The following SORCS1 variants were observed in gnomAD, a reference collection of about 807,000 sequenced individuals.
The protein encoded by SORCS1 is sortilin related VPS10 domain containing receptor 1.
SORCS1 carries 60 observed loss-of-function variants against 146.1 expected under a neutral mutation model. The observed-to-expected ratio is 0.41, with a 90% CI of 0.33 to 0.51. SORCS1 has a LOEUF of 0.51. Ranked by LOEUF, SORCS1 falls within the 20% of genes least tolerant of loss-of-function variation. SORCS1 has a pLI of 0.21. For synonymous variants in SORCS1, 637 were observed against 584.0 expected, an observed-to-expected ratio of 1.09 and a Z score of -1.31; for missense variants, 1,352 against 1,487.6, an observed-to-expected ratio of 0.91 and a Z score of 1.50.
chr10:106,929,101 AC>A (rs1953253404), intron 2 of SORCS1, among the ~76,000 whole-genome samples: 1 of 152,146 alleles, frequency 6.6e-6, no homozygotes, highest in African/African-American at 2.4e-5. Context: ...CTTCTGTGTC[AC>A]TTTATCTCCA....
At chr10:106,675,191 C>CA in intron 13 of SORCS1, 35 bp from the exon 14 acceptor site, 1 of 1,459,214 alleles carries the variant, frequency 6.9e-7, no homozygotes, top group Admixed American at 1.8e-5. Context: ...ATCAGATCTC[C>CA]AAAGGAAAAA....
chr10:106,777,995 A>T (rs1255719945), intron 3 of SORCS1, among the ~76,000 whole-genome samples: 5 of 152,154 alleles, frequency 3.3e-5, no homozygotes, highest in Non-Finnish European at 5.9e-5. Context: ...CAAGAAAGAG[A>T]GAGAGAGGGG....
intron 2 of SORCS1, among the ~76,000 whole-genome samples, chr10:106,913,395 A>G (rs1952259880): frequency 6.6e-6 from 1 of 152,228 alleles, no homozygotes; most frequent in African/African-American, 2.4e-5. Context: ...CTTCATTTAA[A>G]TATCTTGTAA....
intron 2 of SORCS1, among the ~76,000 whole-genome samples, chr10:106,842,783 T>A (rs767354629): frequency 6.6e-6 from 1 of 151,468 alleles, no homozygotes; most frequent in Non-Finnish European, 1.5e-5. Context: ...CCGGCTAATT[T>A]TGTATTTTTA....
chr10:107,040,022 T>C (rs1755259529), intron 1 of SORCS1, among the ~76,000 whole-genome samples: 1 of 152,144 alleles, frequency 6.6e-6, no homozygotes, highest in Non-Finnish European at 1.5e-5. Context: ...ATCACAACAC[T>C]GCAGTCCAGC....
intron 17 of SORCS1, among the ~76,000 whole-genome samples, chr10:106,663,957 G>A (rs1850932770): frequency 2.0e-5 from 3 of 152,186 alleles, no homozygotes; most frequent in Admixed American, 2.0e-4. Context: ...CATACCCGCT[G>A]ATGGCTGGTA....
chr10:106,722,295 G>A (rs894332540), intron 6 of SORCS1, among the ~76,000 whole-genome samples: 1 of 152,064 alleles, frequency 6.6e-6, no homozygotes, highest in African/African-American at 2.4e-5. Flanking sequence ...TGAGAACTGA[G>A]ATCTCTATTA....
intron 2 of SORCS1, among the ~76,000 whole-genome samples, chr10:106,955,280 G>A (rs766489180): frequency 2.6e-5 from 4 of 152,310 alleles, no homozygotes; most frequent in South Asian, 2.1e-4. Context: ...CATTCCCCTC[G>A]TCCAGACACC....
intron 1 of SORCS1, among the ~76,000 whole-genome samples, chr10:106,991,332 A>G (rs1392883023): frequency 1.3e-5 from 2 of 152,198 alleles, no homozygotes; most frequent in African/African-American, 2.4e-5. Flanking sequence ...GACAAGCTGG[A>G]TAGGAAGATG....
At chr10:106,844,660 C>T (rs1316510205) in intron 2 of SORCS1, among the ~76,000 whole-genome samples, 4 of 148,888 alleles carry the variant, frequency 2.7e-5, no homozygotes, top group Non-Finnish European at 5.9e-5. Flanking sequence ...ATACATGTGC[C>T]ATGCTGGTGC....
intron 1 of SORCS1, among the ~76,000 whole-genome samples, chr10:107,073,656 A>G (rs932110292): frequency 2.0e-5 from 3 of 152,170 alleles, no homozygotes; most frequent in African/African-American, 7.2e-5. Context: ...AATTTAAGCT[A>G]TTTTATCCAA....
intron 10 of SORCS1, among the ~76,000 whole-genome samples, chr10:106,682,493 T>C (rs1276004313): frequency 2.0e-5 from 3 of 152,248 alleles, no homozygotes; most frequent in African/African-American, 7.2e-5. Context: ...CTTCACTTTT[T>C]TAACTTAAGC....
Position 106,850,120 on chromosome 10 carries a change from C to T in SORCS1, c.627-20447G>A, listed in dbSNP as rs374466018. On this transcript the variant is annotated intron_variant, in intron 2 of 25. Coordinates refer to ENST00000263054, the MANE Select transcript of SORCS1 (RefSeq NM_052918.5). ...GAGCTGTGGTGGGCTCCACCCAGTTCGAGCTTCCCGGCTGCTTTGTTTACC... is the reference window on the plus strand; with the variant it reads ...GAGCTGTGGTGGGCTCCACCCAGTTTGAGCTTCCCGGCTGCTTTGTTTACC... 4.9e-3 allele frequency among the ~76,000 whole-genome samples: 749 copies of T among 151,832 alleles called. 39 individuals are homozygous for T. The East Asian group carries it at 0.11, about 22-fold the overall frequency.
At position 106,944,874 on chromosome 10, in the gene SORCS1, C is replaced by CTTTTTTTTTT. The variant is rs765355110; in HGVS notation, c.626+11629_626+11638dup. The stretch of plus-strand genomic sequence containing the variant: ...GTAGAAAGAAGCAAGAAAGAGCCTT[C>CTTTTTTTTTT]TTTTTTTTTTTTTTTTTTTTTTTTT... On this transcript the variant is annotated intron_variant, in intron 2 of 25. Transcript: ENST00000263054. Among the ~76,000 whole-genome samples, 49 of 36,608 alleles carry CTTTTTTTTTT rather than the reference C, an allele frequency of 1.3e-3. 12 individuals carry two copies. The highest frequency in any genetic ancestry group is 5.9e-3 in the South Asian group (4 of 674). 24.0% of individuals were successfully genotyped at this position (36,608 alleles called of 152,430 possible). A position where few individuals can be genotyped will look rare whatever the true frequency, so the allele number is the denominator to read the frequency against.
chr10:106,718,457 C>T (rs1305897507), intron 6 of SORCS1, among the ~76,000 whole-genome samples: 2 of 152,272 alleles, frequency 1.3e-5, no homozygotes, highest in African/African-American at 4.8e-5. Context: ...CAGATGTGTC[C>T]AGAGTTTCTT....
intron 2 of SORCS1, among the ~76,000 whole-genome samples, chr10:106,944,939 G>T (rs1346600446): frequency 1.6e-5 from 2 of 122,952 alleles, no homozygotes; most frequent in Non-Finnish European, 3.2e-5. Context: ...AGGCTGACAT[G>T]CAGTGATGTG....
At chr10:106,908,307 C>A (rs190390393) in intron 2 of SORCS1, among the ~76,000 whole-genome samples, 1 of 152,108 alleles carries the variant, frequency 6.6e-6, no homozygotes. Context: ...GTCTTAAATA[C>A]GGGTTAGGAG....
chr10:106,704,503 A>G (rs898518886), intron 8 of SORCS1, among the ~76,000 whole-genome samples: 2 of 152,162 alleles, frequency 1.3e-5, no homozygotes, highest in Non-Finnish European at 2.9e-5. Flanking sequence ...CAGCCTGACC[A>G]ATATGGTGAA....
chr10:107,070,207 G>C (rs1280979137), intron 1 of SORCS1, among the ~76,000 whole-genome samples: 2 of 152,052 alleles, frequency 1.3e-5, no homozygotes, highest in Non-Finnish European at 2.9e-5. Context: ...ATTTGTTCTT[G>C]GGTTGTTCCC....
Sources: gnomAD v4.1 joint callset for allele counts (sites outside exome capture counted in the v4.1 genomes callset) on GRCh38, gnomAD v4.1.1 for gene constraint, MANE v1.5 for transcripts, NCBI Gene and HGNC (gene_info 2026-07-23, HGNC 2026-07-21) for gene names.